Variants in AUTS2 observed in about 807,000 individuals in gnomAD.
The protein encoded by AUTS2 is activator of transcription and developmental regulator AUTS2.
AUTS2 carries 17 observed loss-of-function variants against 112.4 expected under a neutral mutation model. The ratio of observed to expected loss-of-function variants is 0.15; its 90% CI spans 0.10 to 0.23. The LOEUF (loss-of-function observed/expected upper bound fraction) is 0.23, where lower values mean the gene tolerates loss of function less well. Ranked by LOEUF, AUTS2 falls within the 10% of genes least tolerant of loss-of-function variation. The probability of loss-of-function intolerance (pLI) is 1.00; values close to 1 mark genes in which losing one functional copy is unlikely to be tolerated. For missense variants in AUTS2, 1,510 were observed against 1,701.6 expected (o/e 0.89, Z 1.98); for synonymous variants, 751 against 702.7 (o/e 1.07, Z -1.09).
intron 4 of AUTS2, among the ~76,000 whole-genome samples, chr7:70,255,414 G>T (rs980299492): frequency 6.6e-6 from 1 of 151,822 alleles, no homozygotes; most frequent in African/African-American, 2.4e-5. Context: ...AGGCAAATAG[G>T]GAGATACTAA....
chr7:70,569,876 A>G (rs977412145), intron 5 of AUTS2, among the ~76,000 whole-genome samples: 6 of 152,114 alleles, frequency 3.9e-5, no homozygotes, highest in African/African-American at 1.4e-4. Context: ...AAAGCTGGTT[A>G]TTTTGGTACT....
chr7:69,750,483 A>C (rs894543067), intron 1 of AUTS2, among the ~76,000 whole-genome samples: 2 of 150,082 alleles, frequency 1.3e-5, no homozygotes, highest in Non-Finnish European at 3.0e-5. Context: ...TAGTAGTAGT[A>C]GTAGTAGTAG....
intron 4 of AUTS2, among the ~76,000 whole-genome samples, chr7:70,177,163 A>T (rs1453184112): frequency 6.6e-6 from 1 of 152,320 alleles, no homozygotes; most frequent in Non-Finnish European, 1.5e-5. Context: ...AAATTTTATA[A>T]ATAATAGTAA....
At chr7:70,770,890 C>T (rs1295880394) in intron 10 of AUTS2, among the ~76,000 whole-genome samples, 1 of 152,210 alleles carries the variant, frequency 6.6e-6, no homozygotes, top group Non-Finnish European at 1.5e-5. Context: ...TAGAATCCAT[C>T]TTCTAGACAA....
chr7:70,700,112 T>C (rs897702575), intron 6 of AUTS2, among the ~76,000 whole-genome samples: 2 of 152,240 alleles, frequency 1.3e-5, no homozygotes, highest in African/African-American at 4.8e-5. Context: ...TCAGGGCGGA[T>C]GAACAGCTCG....
chr7:69,870,043 A>G (rs1172747801), intron 1 of AUTS2, among the ~76,000 whole-genome samples: 2 of 152,130 alleles, frequency 1.3e-5, no homozygotes, highest in Admixed American at 6.5e-5. Context: ...GCTGTTTGAG[A>G]CTGTGATTGT....
chr7:69,766,672 C>T (rs1014540673), intron 1 of AUTS2, among the ~76,000 whole-genome samples: 1 of 152,288 alleles, frequency 6.6e-6, no homozygotes, highest in Admixed American at 6.5e-5. Flanking sequence ...CTTTGACACA[C>T]CTCAGCCACT....
chr7:70,280,267 T>C (rs1391827874), intron 4 of AUTS2, among the ~76,000 whole-genome samples: 1 of 151,782 alleles, frequency 6.6e-6, no homozygotes, highest in African/African-American at 2.4e-5. Context: ...AACTTTTTTT[T>C]TCTTTTTTCT....
chr7:70,109,342 G>A (rs1804948368), intron 2 of AUTS2, among the ~76,000 whole-genome samples: 1 of 152,112 alleles, frequency 6.6e-6, no homozygotes, highest in Non-Finnish European at 1.5e-5. Context: ...TTTACATTGT[G>A]TATGTGTATT....
At chr7:70,240,768 G>T (rs947387330) in intron 4 of AUTS2, among the ~76,000 whole-genome samples, 3 of 152,212 alleles carry the variant, frequency 2.0e-5, no homozygotes, top group African/African-American at 7.2e-5. Flanking sequence ...GTTTATGGGA[G>T]ATTACAGTTT....
intron 5 of AUTS2, among the ~76,000 whole-genome samples, chr7:70,500,833 C>A (rs926105617): frequency 6.6e-6 from 1 of 152,154 alleles, no homozygotes; most frequent in South Asian, 2.1e-4. Flanking sequence ...GCGATTCTCC[C>A]GCCTCAGCCT....
chr7:70,281,099 A>T (rs953875097), intron 4 of AUTS2, among the ~76,000 whole-genome samples: 1 of 152,188 alleles, frequency 6.6e-6, no homozygotes, highest in Admixed American at 6.5e-5. Flanking sequence ...CCAAACTATG[A>T]ACTTTATGGA....
At chr7:70,393,459 C>G (rs539157717) in intron 4 of AUTS2, among the ~76,000 whole-genome samples, 52 of 152,180 alleles carry the variant, frequency 3.4e-4, no homozygotes, top group Non-Finnish European at 5.4e-4. Flanking sequence ...CTGGATCTTA[C>G]TGGGGTCGCA....
chr7:69,856,272 C>T (rs1792716432), intron 1 of AUTS2, among the ~76,000 whole-genome samples: 1 of 152,060 alleles, frequency 6.6e-6, no homozygotes, highest in East Asian at 1.9e-4. Flanking sequence ...GGGACTCCTT[C>T]CTTCAGCCTG....
chr7:70,706,860 T>C (rs1809767777), intron 6 of AUTS2, among the ~76,000 whole-genome samples: 1 of 152,224 alleles, frequency 6.6e-6, no homozygotes, highest in Non-Finnish European at 1.5e-5. Context: ...GCATGATTGC[T>C]GTAAAACTTT....
At chr7:70,762,680 T>A (rs1215914291) in intron 6 of AUTS2, among the ~76,000 whole-genome samples, 190 bp from the exon 7 acceptor site, 1 of 152,182 alleles carries the variant, frequency 6.6e-6, no homozygotes, top group Non-Finnish European at 1.5e-5. Flanking sequence ...CATCTTTCTC[T>A]GTCCACCATT....
At chr7:70,382,125 G>A (rs1241618414) in intron 4 of AUTS2, among the ~76,000 whole-genome samples, 1 of 152,112 alleles carries the variant, frequency 6.6e-6, no homozygotes, top group Non-Finnish European at 1.5e-5. Context: ...CAAGCTCAAC[G>A]TGTCTGTAAT....
chr7:69,874,446 G>A (rs147231683), intron 1 of AUTS2, among the ~76,000 whole-genome samples: 3 of 152,150 alleles, frequency 2.0e-5, no homozygotes, highest in Non-Finnish European at 4.4e-5. Flanking sequence ...CAAGGAAGTG[G>A]CATGCTTAAA....
intron 4 of AUTS2, among the ~76,000 whole-genome samples, chr7:70,333,639 G>A (rs1790859377): frequency 6.6e-6 from 1 of 152,168 alleles, no homozygotes; most frequent in Non-Finnish European, 1.5e-5. Context: ...AAAAAGGGAT[G>A]AGTTCATGTC....
Sources: gnomAD v4.1 joint callset for allele counts (sites outside exome capture counted in the v4.1 genomes callset) on GRCh38, gnomAD v4.1.1 for gene constraint, MANE v1.5 for transcripts, NCBI Gene and HGNC (gene_info 2026-07-23, HGNC 2026-07-21) for gene names.